The following EHD4 variants were observed in gnomAD, a reference collection of about 807,000 sequenced individuals.
The protein encoded by EHD4 is EH domain containing 4, also known as EH domain-containing protein 4.
Under a neutral mutation model 51.0 loss-of-function variants are expected in EHD4, and 37 were observed. That is an observed-to-expected ratio of 0.73 (90% CI 0.56 to 0.95). EHD4 has a LOEUF of 0.95. EHD4 is among the 40% of genes least tolerant of loss of function. The pLI is 0.00. For missense variants in EHD4, 632 were observed against 733.1 expected, an observed-to-expected ratio of 0.86 and a Z score of 1.59; for synonymous variants, 297 against 317.3, an observed-to-expected ratio of 0.94 and a Z score of 0.68.
intron 3 of EHD4, among the ~76,000 whole-genome samples, chr15:41,931,953 G>A (rs1442160234): frequency 1.3e-5 from 2 of 151,676 alleles, no homozygotes; most frequent in African/African-American, 4.8e-5. Context: ...GGGATTACAG[G>A]TGTGAGCCGC....
intron 5 of EHD4, 24 bp from the exon 6 acceptor site, chr15:41,901,205 T>G: frequency 6.6e-7 from 1 of 1,522,774 alleles, no homozygotes. Flanking sequence ...AACCACAGGA[T>G]GGGTTACATG....
chr15:41,942,455 G>A (rs144183959), intron 3 of EHD4: 1,800 of 152,358 alleles, frequency 0.012, 9 homozygotes, highest in Non-Finnish European at 0.018. Context: ...ATGTTGGCCA[G>A]GCTCTTCTCG....
Position 41,918,244 on chromosome 15 carries a change from G to A in EHD4, c.924+966C>T, listed in dbSNP as rs75378835. On this transcript the variant is annotated intron_variant, in intron 4 of 5. Transcript: ENST00000220325. ...CACACACACACACACACACACACAC[G>A]CGCATGTTTACACACATGCATATTC... 1.7e-3 allele frequency among the ~76,000 whole-genome samples: 133 copies of A among 79,706 alleles called. 1 individual carries two copies. The highest frequency in any genetic ancestry group is 7.4e-3 in the East Asian group (34 of 4,564). The allele number at this position is 79,706 out of a possible 152,430, so 52.3% of individuals were successfully genotyped here.
In EHD4 at chr15:41,919,582, C is replaced by T. The variant is rs750544880; in HGVS notation, c.552G>A (p.Arg184=). ...FCQVLQWFAE[R]VDRIILLFDA... Reference sequence around the variant, plus strand: ...CAAAGAGCAGGATGATCCTGTCCACCCTCTCGGCAAACCACTGCAGGACCT... The same window carrying T: ...CAAAGAGCAGGATGATCCTGTCCACTCTCTCGGCAAACCACTGCAGGACCT... Residue 184 remains arginine, a synonymous_variant, in exon 4 of 6, where the codon AGG becomes AGA. Transcript: ENST00000220325. The T allele has an allele frequency of 2.0e-6, 3 of 1,518,362 alleles. No homozygotes were observed. Among genetic ancestry groups the T allele is most frequent in the South Asian group, 2.7e-5 (2 of 74,962 alleles). 94.1% of individuals were successfully genotyped at this position (1,518,362 alleles called of 1,614,324 possible).
chr15:41,954,854 G>A (rs1240197496), intron 1 of EHD4, among the ~76,000 whole-genome samples: 1 of 152,162 alleles, frequency 6.6e-6, no homozygotes, highest in African/African-American at 2.4e-5. Context: ...GGTCTTGAAT[G>A]CCTGGGCTCA....
chr15:41,900,683 G>T lies in EHD4; in HGVS notation c.1588C>A (p.Pro530Thr). The change falls in exon 6 of 6, where the codon CCC (proline) becomes ACC (threonine). Residue 530 changes from proline (P) to threonine (T), a missense_variant. By Grantham distance (38) the Pro-to-Thr change is conservative. Transcript: ENST00000220325. The surrounding 1 kb of genome is among the most constrained non-coding windows in gnomAD (Gnocchi z 4.8). ...LPSSLPPHLV[P>T]PSHRKSLPKA... ...GGCAGGGACTTCCTGTGCGAGGGGG[G>T]CACGAGGTGGGGGGGCAGGCTGCTG... 1.2e-6 allele frequency: 2 copies of T among 1,603,340 alleles called. No homozygotes were observed. The highest frequency in any genetic ancestry group is 1.7e-6 in the Non-Finnish European group (2 of 1,178,876).
intron 5 of EHD4, 99 bp from the exon 6 acceptor site, chr15:41,901,280 G>T: frequency 7.6e-7 from 1 of 1,309,732 alleles, no homozygotes; most frequent in Non-Finnish European, 1.0e-6. Context: ...CCAGGCAGAC[G>T]TCCCACCCAC....
intron 5 of EHD4, among the ~76,000 whole-genome samples, chr15:41,902,257 A>ATCCATCCATCCC (rs2067482538): frequency 6.6e-6 from 1 of 150,544 alleles, no homozygotes; most frequent in African/African-American, 2.4e-5. Context: ...CCATCCATCC[A>ATCCATCCATCCC]TCCATCCATC....
chr15:41,935,618 T>C (rs554527510), intron 3 of EHD4, among the ~76,000 whole-genome samples: 10 of 152,360 alleles, frequency 6.6e-5, no homozygotes, highest in East Asian at 3.9e-4. Context: ...TGTGTGTGAC[T>C]GGCAGCTGTA....
chr15:41,953,796 C>G lies in EHD4; in HGVS notation c.381G>C (p.Lys127Asn). ...LVVDPKKPFR[K>N]LSRFGNAFLN... is the part of the protein sequence containing the mutation. ...GGAAAGCGTTTCCAAAGCGACTGAGCTTTCTAAACGGCTTTTTGGGGTCCA... is the reference window on the plus strand; with the variant it reads ...GGAAAGCGTTTCCAAAGCGACTGAGGTTTCTAAACGGCTTTTTGGGGTCCA... The change falls in exon 2 of 6, where the codon AAG (lysine) becomes AAC (asparagine). Residue 127 changes from lysine to asparagine, a missense_variant. Physicochemically the swap from Lys to Asn is moderately conservative, Grantham distance 94. Transcript: ENST00000220325. 3 of 1,612,104 alleles carry G rather than the reference C, an allele frequency of 1.9e-6. No individual in the cohort carries two copies. The highest frequency in any genetic ancestry group is 2.2e-5 in the South Asian group (2 of 90,632).
chr15:41,943,285 G>T (rs1346600118), intron 2 of EHD4, 121 bp from the exon 3 acceptor site: 4 of 678,334 alleles, frequency 5.9e-6, no homozygotes, highest in Non-Finnish European at 9.7e-6. Context: ...GAAGGAGACT[G>T]ACAGAAACTG....
intron 3 of EHD4, among the ~76,000 whole-genome samples, chr15:41,920,562 T>C (rs1320712356): frequency 6.6e-6 from 1 of 152,274 alleles, no homozygotes; most frequent in Non-Finnish European, 1.5e-5. Flanking sequence ...CCTCTTCTTT[T>C]AGATTTTGAA....
rs529042710 is a variant in EHD4, at chr15:41,898,479, T to G, written c.*2166A>C. Reference sequence around the variant, plus strand: ...AGTTTGCCTGGGCATCTGTAAACCTTTGGGCAAGTGAATTCCCTCTTCTCT... The same window carrying G: ...AGTTTGCCTGGGCATCTGTAAACCTGTGGGCAAGTGAATTCCCTCTTCTCT... On this transcript the variant is annotated 3_prime_UTR_variant, in exon 6 of 6. Coordinates refer to ENST00000220325, the MANE Select transcript of EHD4 (RefSeq NM_139265.4). 4 of 152,358 alleles carry G rather than the reference T, an allele frequency of 2.6e-5. No individual in the cohort carries two copies. The highest frequency in any genetic ancestry group is 2.0e-4 in the Admixed American group (3 of 15,306). 9.4% of individuals were successfully genotyped at this position (152,358 alleles called of 1,614,324 possible).
intron 3 of EHD4, among the ~76,000 whole-genome samples, chr15:41,933,061 G>A (rs750875251): frequency 2.6e-5 from 4 of 152,184 alleles, no homozygotes; most frequent in Non-Finnish European, 5.9e-5. Flanking sequence ...TTATAAAAGC[G>A]GAAAGAGGCT....
At chr15:41,940,380 G>GT (rs2067761620) in intron 3 of EHD4, among the ~76,000 whole-genome samples, 2 of 152,258 alleles carry the variant, frequency 1.3e-5, no homozygotes, top group South Asian at 4.1e-4. Context: ...GAAGCTGGGT[G>GT]TAGGTGTGAG....
At chr15:41,928,737 C>T (rs1450816466) in intron 3 of EHD4, 2 of 152,170 alleles carry the variant, frequency 1.3e-5, no homozygotes, top group East Asian at 1.9e-4. Flanking sequence ...CGAGCACCAC[C>T]CTGAGGGGGA....
chr15:41,916,052 C>T (rs1167679855), intron 4 of EHD4, among the ~76,000 whole-genome samples: 1 of 152,210 alleles, frequency 6.6e-6, no homozygotes, highest in East Asian at 1.9e-4. Flanking sequence ...GCCATGAATC[C>T]TGGTTAATTA....
chr15:41,972,149 C>G (rs973635772), intron 1 of EHD4, 110 bp downstream of exon 1: 1 of 1,156,150 alleles, frequency 8.6e-7, no homozygotes, highest in Non-Finnish European at 1.1e-6. Flanking sequence ...CGGGAGGGGT[C>G]CCCGAGGTCG....
intron 3 of EHD4, among the ~76,000 whole-genome samples, chr15:41,926,726 C>A (rs1273630538): frequency 6.6e-6 from 1 of 152,210 alleles, no homozygotes; most frequent in African/African-American, 2.4e-5. Flanking sequence ...AATTCTCAAC[C>A]TTTGCTCAGT....
Sources: gnomAD v4.1 joint callset for allele counts (sites outside exome capture counted in the v4.1 genomes callset) on GRCh38, gnomAD v4.1.1 for gene constraint, Gnocchi (gnomAD v3.1) non-coding constraint, MANE v1.5 for transcripts, NCBI Gene and HGNC (gene_info 2026-07-23, HGNC 2026-07-21) for gene names.